Variants in TENM4 observed in about 807,000 individuals in gnomAD.
TENM4 encodes teneurin-4.
TENM4 carries 82 observed loss-of-function variants against 243.3 expected under a neutral mutation model. The observed-to-expected ratio is 0.34, with a 90% CI of 0.28 to 0.40. TENM4 has a LOEUF of 0.40. Among genes scored for constraint, TENM4 ranks in the 10% least tolerant of loss-of-function variants. The pLI is 1.00. For synonymous variants in TENM4, 1,412 were observed against 1,456.3 expected (o/e 0.97, Z 0.69); for missense variants, 3,138 against 3,673.3 (o/e 0.85, Z 3.77).
intron 32 of TENM4, among the ~76,000 whole-genome samples, chr11:78,665,239 C>G: frequency 7.0e-6 from 1 of 142,800 alleles, no homozygotes; most frequent in South Asian, 2.2e-4. Flanking sequence ...TCTTTTCTTT[C>G]TCTCTTTCTT....
chr11:79,117,518 G>T (rs1049215082), intron 4 of TENM4, among the ~76,000 whole-genome samples: 1 of 152,172 alleles, frequency 6.6e-6, no homozygotes, highest in Non-Finnish European at 1.5e-5. Flanking sequence ...TGATGGGGCG[G>T]GGGCCAAACA....
At chr11:78,799,407 C>T (rs1238727298) in intron 15 of TENM4, among the ~76,000 whole-genome samples, 2 of 152,190 alleles carry the variant, frequency 1.3e-5, no homozygotes, top group Non-Finnish European at 2.9e-5. Flanking sequence ...CCTTCTGGCT[C>T]CAAACCTTCA....
chr11:79,119,533 G>A (rs985983317), intron 4 of TENM4, among the ~76,000 whole-genome samples: 3 of 152,142 alleles, frequency 2.0e-5, no homozygotes, highest in Non-Finnish European at 4.4e-5. Context: ...TTCAAAGGGG[G>A]ACACATTTAG....
At chr11:78,676,681 C>G (rs1858486661) in intron 29 of TENM4, among the ~76,000 whole-genome samples, 2 of 152,178 alleles carry the variant, frequency 1.3e-5, no homozygotes, top group Non-Finnish European at 2.9e-5. Flanking sequence ...CAGTTTTTCA[C>G]TGATCATTGT....
chr11:78,738,469 A>G lies in TENM4; in HGVS notation c.2858T>C (p.Ile953Thr), dbSNP rs1461875533. ...CTCCTACCTGCCATCTTGCCTGCTG[A>G]TTGTATATCCAAAGAGAGGGTTATT... Reference protein sequence around the residue: ...FVNNPLFGYTISRQDGSFDLV... With the variant: ...FVNNPLFGYTTSRQDGSFDLV... The change falls in exon 20 of 34, where the codon ATC becomes ACC. Residue 953 changes from isoleucine to threonine, a missense_variant. Physicochemically the swap from Ile to Thr is moderately conservative, Grantham distance 89 (BLOSUM62 -1). Transcript: ENST00000278550. 1.9e-6 allele frequency: 3 copies of G among 1,613,724 alleles called. No individual in the cohort carries two copies. In the African/African-American group the frequency reaches 4.0e-5, roughly 22 times the overall value.
intron 19 of TENM4, among the ~76,000 whole-genome samples, chr11:78,752,849 C>T (rs1346152481): frequency 1.3e-5 from 2 of 152,138 alleles, no homozygotes; most frequent in Non-Finnish European, 2.9e-5. Context: ...AGGGCAGGTT[C>T]CTCTCAAGTT....
chr11:79,116,746 G>A (rs1861631031), intron 4 of TENM4, among the ~76,000 whole-genome samples: 1 of 152,166 alleles, frequency 6.6e-6, no homozygotes. Context: ...ATCGCCTGGG[G>A]CCAGGTAGAC....
chr11:79,188,108 T>C (rs1392545329), intron 3 of TENM4, among the ~76,000 whole-genome samples: 1 of 152,158 alleles, frequency 6.6e-6, no homozygotes, highest in Non-Finnish European at 1.5e-5. Flanking sequence ...GCTGGGACAT[T>C]TGCACTTTCC....
At chr11:79,360,021 T>C (rs1857564745) in intron 1 of TENM4, among the ~76,000 whole-genome samples, 1 of 152,188 alleles carries the variant, frequency 6.6e-6, no homozygotes, top group South Asian at 2.1e-4. Context: ...ATAAAAGTTG[T>C]CATCAGCATC....
At chr11:78,708,555 G>A (rs1184799992) in intron 26 of TENM4, 40 bp from the exon 27 acceptor site, 1 of 1,603,742 alleles carries the variant, frequency 6.2e-7, no homozygotes, top group Non-Finnish European at 8.5e-7. Flanking sequence ...CAGCATCAGA[G>A]ATGACAATGA....
intron 3 of TENM4, among the ~76,000 whole-genome samples, chr11:79,152,251 T>C (rs1862525399): frequency 6.6e-6 from 1 of 152,172 alleles, no homozygotes; most frequent in Non-Finnish European, 1.5e-5. Flanking sequence ...TGAAAACCCA[T>C]GTTTGGCTAC....
chr11:79,026,491 G>A (rs532953326), intron 6 of TENM4, among the ~76,000 whole-genome samples: 1 of 152,304 alleles, frequency 6.6e-6, no homozygotes, highest in East Asian at 1.9e-4. Flanking sequence ...GTAGGAAAAG[G>A]AATTGAGCAG....
chr11:79,073,255 G>T (rs541844345), intron 4 of TENM4, among the ~76,000 whole-genome samples: 1 of 152,274 alleles, frequency 6.6e-6, no homozygotes, highest in South Asian at 2.1e-4. Flanking sequence ...CAAAATGAAG[G>T]CTCTTGTCAG....
At chr11:78,706,343 T>TGGGCCTG (rs1185835161) in intron 27 of TENM4, among the ~76,000 whole-genome samples, 2 of 152,208 alleles carry the variant, frequency 1.3e-5, no homozygotes, top group African/African-American at 4.8e-5. Flanking sequence ...AGTTTCTTTT[T>TGGGCCTG]GGGCCTGGGT....
chr11:79,155,196 A>G lies in TENM4; in HGVS notation c.-162-6390T>C, dbSNP rs575940302. Among the ~76,000 whole-genome samples, 38 of 152,258 alleles carry G rather than the reference A, an allele frequency of 2.5e-4. 1 individual carries two copies. The highest frequency in any genetic ancestry group is 9.1e-4 in the African/African-American group (38 of 41,548). ...CTAGCGGGACCCAGAAGAGGGACAGATCCGGAGTATCTGGGCCAATGGAGG... is the reference window on the plus strand; with the variant it reads ...CTAGCGGGACCCAGAAGAGGGACAGGTCCGGAGTATCTGGGCCAATGGAGG... On this transcript the variant is annotated intron_variant, in intron 3 of 33. Coordinates refer to ENST00000278550, the MANE Select transcript of TENM4 (RefSeq NM_001098816.3).
chr11:79,004,336 T>C (rs1276806351), intron 6 of TENM4, among the ~76,000 whole-genome samples: 2 of 152,176 alleles, frequency 1.3e-5, no homozygotes, highest in Non-Finnish European at 2.9e-5. Context: ...CAACAGAATA[T>C]AAATTCTTAC....
At chr11:79,310,290 C>G (rs1398761187) in intron 1 of TENM4, among the ~76,000 whole-genome samples, 1 of 152,224 alleles carries the variant, frequency 6.6e-6, no homozygotes, top group Non-Finnish European at 1.5e-5. Flanking sequence ...CAGACACCAT[C>G]TTGATATTAA....
At chr11:79,410,368 AACTT>A (rs1858672154) in intron 1 of TENM4, among the ~76,000 whole-genome samples, 2 of 152,094 alleles carry the variant, frequency 1.3e-5, no homozygotes, top group African/African-American at 2.4e-5. Flanking sequence ...TCACTTTCTG[AACTT>A]ACTTGTTTCC....
intron 18 of TENM4, among the ~76,000 whole-genome samples, chr11:78,770,220 T>C (rs1856619700): frequency 6.6e-6 from 1 of 152,174 alleles, no homozygotes; most frequent in Admixed American, 6.5e-5. Flanking sequence ...CACATTATGG[T>C]TGTATTTACC....
Sources: allele counts gnomAD v4.1 joint callset (sites outside exome capture counted in the v4.1 genomes callset), GRCh38; gene constraint gnomAD v4.1.1; transcripts MANE v1.5; gene names NCBI Gene and HGNC (gene_info 2026-07-23, HGNC 2026-07-21).